The following EPB41L3 variants were observed in gnomAD, a reference collection of about 807,000 sequenced individuals.
EPB41L3 encodes the protein erythrocyte membrane protein band 4.1 like 3.
A neutral mutation model predicts 127.1 loss-of-function variants in EPB41L3; 57 were observed. The observed-to-expected ratio is 0.45, with a 90% CI of 0.36 to 0.56. EPB41L3 has a LOEUF of 0.56. EPB41L3 is among the 20% of genes least tolerant of loss of function. The pLI is 0.00. For missense variants in EPB41L3, 1,273 were observed against 1,372.2 expected (o/e 0.93, Z 1.14); for synonymous variants, 572 against 549.5 (o/e 1.04, Z -0.57).
At chr18:5,521,675 C>T (rs1353409387) in intron 1 of EPB41L3, among the ~76,000 whole-genome samples, 1 of 152,168 alleles carries the variant, frequency 6.6e-6, no homozygotes, top group Non-Finnish European at 1.5e-5. Context: ...TAGTTCCCTC[C>T]TCTATAAACT....
At chr18:5,625,339 T>C (rs572260836) in intron 1 of EPB41L3, among the ~76,000 whole-genome samples, 123 of 151,702 alleles carry the variant, frequency 8.1e-4, no homozygotes, top group Middle Eastern at 6.8e-3. Context: ...AGAAAGGAAG[T>C]GGCAGTGGGA....
At chr18:5,529,296 C>T (rs2093335894) in intron 1 of EPB41L3, among the ~76,000 whole-genome samples, 2 of 151,174 alleles carry the variant, frequency 1.3e-5, no homozygotes, top group South Asian at 2.1e-4. Flanking sequence ...AAATAAAACA[C>T]GGTGGATAAA....
intron 3 of EPB41L3, among the ~76,000 whole-genome samples, chr18:5,600,382 C>T (rs1463871122): frequency 6.6e-6 from 1 of 152,058 alleles, no homozygotes; most frequent in Non-Finnish European, 1.5e-5. Flanking sequence ...AAATAAGAAT[C>T]TGTGGAGAAA....
intron 3 of EPB41L3, among the ~76,000 whole-genome samples, chr18:5,579,141 G>A (rs1022255607): frequency 6.6e-6 from 1 of 152,142 alleles, no homozygotes; most frequent in Non-Finnish European, 1.5e-5. Context: ...AAATCTCAGA[G>A]AATTATATAC....
chr18:5,397,049 AC>A lies in EPB41L3; in HGVS notation c.2841+8del. On this transcript the variant is annotated splice_region_variant and intron_variant, in intron 18 of 22. Transcript: ENST00000341928. The surrounding 1 kb of genome is among the most constrained non-coding windows in gnomAD (Gnocchi z 4.1). ...TTTAGTGATAAAAGTAACATTTACT[AC>A]TAGTTACCTCAAAATGAGGTTTTTG... 6.3e-7 allele frequency: 1 copy of A among 1,581,398 alleles called. No individual in the cohort carries two copies. Among genetic ancestry groups the A allele is most frequent in the Non-Finnish European group, 8.6e-7 (1 of 1,166,416 alleles).
intron 16 of EPB41L3, among the ~76,000 whole-genome samples, chr18:5,406,467 A>G (rs1193577625): frequency 6.6e-6 from 1 of 152,180 alleles, no homozygotes; most frequent in East Asian, 1.9e-4. Flanking sequence ...GTGTCAATGC[A>G]TGAAGAGAAT....
At chr18:5,621,646 C>A (rs2094864053) in intron 1 of EPB41L3, among the ~76,000 whole-genome samples, 1 of 152,138 alleles carries the variant, frequency 6.6e-6, no homozygotes, top group Non-Finnish European at 1.5e-5. Context: ...GAGGCTGAGG[C>A]AGGAGAATCA....
intron 1 of EPB41L3, among the ~76,000 whole-genome samples, chr18:5,500,143 C>T (rs2091607840): frequency 1.3e-5 from 2 of 151,990 alleles, no homozygotes; most frequent in Admixed American, 6.6e-5. Flanking sequence ...GAAGTCAGTA[C>T]CTTTCAAGAT....
intron 3 of EPB41L3, among the ~76,000 whole-genome samples, chr18:5,606,876 G>A (rs967293541): frequency 7.0e-6 from 1 of 142,716 alleles, no homozygotes; most frequent in Admixed American, 7.0e-5. Context: ...GCCCACCATG[G>A]CGTCATTCTC....
chr18:5,419,509 AT>A (rs1007039971), intron 12 of EPB41L3, among the ~76,000 whole-genome samples: 16 of 152,222 alleles, frequency 1.1e-4, no homozygotes, highest in African/African-American at 3.6e-4. Context: ...TAAAATAAAA[AT>A]TTTCAAAGAG....
chr18:5,411,105 A>G (rs1210655243), intron 13 of EPB41L3, among the ~76,000 whole-genome samples: 1 of 152,258 alleles, frequency 6.6e-6, no homozygotes, highest in African/African-American at 2.4e-5. Flanking sequence ...TCTCATTTAT[A>G]CCATTATGAT....
intron 1 of EPB41L3, among the ~76,000 whole-genome samples, chr18:5,618,683 C>T (rs143757102): frequency 2.0e-4 from 31 of 151,978 alleles, no homozygotes; most frequent in Admixed American, 1.6e-3. Context: ...TGTGAACAGA[C>T]GAAAGTCAAT....
intron 5 of EPB41L3, among the ~76,000 whole-genome samples, chr18:5,439,810 T>C (rs2080405329): frequency 1.3e-5 from 2 of 152,352 alleles, no homozygotes; most frequent in African/African-American, 4.8e-5. Flanking sequence ...GTGGTAAGGT[T>C]CATAATGAGA....
intron 1 of EPB41L3, among the ~76,000 whole-genome samples, chr18:5,540,912 T>G (rs954357512): frequency 9.9e-5 from 15 of 151,654 alleles, no homozygotes; most frequent in African/African-American, 2.4e-4. Context: ...GTGAAACCCC[T>G]TCTCTACCAA....
At chr18:5,572,254 T>C (rs1293165812) in intron 3 of EPB41L3, among the ~76,000 whole-genome samples, 1 of 152,230 alleles carries the variant, frequency 6.6e-6, no homozygotes, top group Non-Finnish European at 1.5e-5. Flanking sequence ...TGTTTTCCTC[T>C]TCACTTTCAC....
intron 1 of EPB41L3, among the ~76,000 whole-genome samples, chr18:5,508,664 G>A (rs989568750): frequency 6.6e-6 from 1 of 151,492 alleles, no homozygotes; most frequent in Non-Finnish European, 1.5e-5. Flanking sequence ...CTACTCAGGA[G>A]GCTGAGGCAG....
intron 5 of EPB41L3, among the ~76,000 whole-genome samples, chr18:5,441,760 G>A (rs1023420675): frequency 2.0e-5 from 3 of 152,152 alleles, no homozygotes; most frequent in African/African-American, 7.2e-5. Flanking sequence ...CACCGCGCCC[G>A]GCCTCGAATT....
At chr18:5,472,453 G>A (rs774658552) in intron 3 of EPB41L3, among the ~76,000 whole-genome samples, 50 of 152,196 alleles carry the variant, frequency 3.3e-4, no homozygotes, top group Non-Finnish European at 5.9e-4. Flanking sequence ...AAGTTCTTCA[G>A]TTGAGCAGAG....
Position 5,424,254 on chromosome 18 carries a change from C to T in EPB41L3, c.1163+8G>A. The T allele has an allele frequency of 6.4e-7, 1 of 1,565,488 alleles. No individual in the cohort carries two copies. The highest frequency in any genetic ancestry group is 8.6e-7 in the Non-Finnish European group (1 of 1,157,914). On this transcript the variant is annotated splice_region_variant and intron_variant, in intron 10 of 22. Coordinates refer to ENST00000341928, the MANE Select transcript of EPB41L3 (RefSeq NM_012307.5). Reference sequence around the variant, plus strand: ...CCTTAGGGAAAAAACAAAATAATCTCTTCCTACCTGAAAAATGTATGATGC... The same window carrying T: ...CCTTAGGGAAAAAACAAAATAATCTTTTCCTACCTGAAAAATGTATGATGC...
Sources: gnomAD v4.1 joint callset for allele counts (sites outside exome capture counted in the v4.1 genomes callset) on GRCh38, gnomAD v4.1.1 for gene constraint, Gnocchi (gnomAD v3.1) non-coding constraint, MANE v1.5 for transcripts, NCBI Gene and HGNC (gene_info 2026-07-23, HGNC 2026-07-21) for gene names.